KLF13: variants seen among roughly 807,000 people sequenced by gnomAD.
The protein encoded by KLF13 is Krueppel-like factor 13.
Under a neutral mutation model 16.7 loss-of-function variants are expected in KLF13, and 8 were observed. The ratio of observed to expected loss-of-function variants is 0.48; its 90% CI spans 0.28 to 0.87. The LOEUF is 0.87. Among genes scored for constraint, KLF13 ranks in the 40% least tolerant of loss-of-function variants. The pLI is 0.10. For synonymous variants in KLF13, 245 were observed against 208.4 expected (o/e 1.18, Z -1.51); for missense variants, 447 against 452.2 (o/e 0.99, Z 0.10).
At chr15:31,411,699 C>T (rs943706882) in intron 1 of KLF13, among the ~76,000 whole-genome samples, 1 of 152,008 alleles carries the variant, frequency 6.6e-6, no homozygotes, top group African/African-American at 2.4e-5. Flanking sequence ...ACCACTGTGC[C>T]TGGCCCAAAC....
At chr15:31,431,789 T>C (rs1277232967) in intron 1 of KLF13, among the ~76,000 whole-genome samples, 1 of 152,168 alleles carries the variant, frequency 6.6e-6, no homozygotes, top group African/African-American at 2.4e-5. Context: ...AGCATAATCT[T>C]GAGAGAAAGA....
intron 2 of KLF13, among the ~76,000 whole-genome samples, chr15:31,400,223 C>T (rs940901846): frequency 6.6e-6 from 1 of 152,174 alleles, no homozygotes; most frequent in African/African-American, 2.4e-5. Context: ...AGGGAATCCA[C>T]GGAGCGAGAG....
upstream of KLF13, among the ~76,000 whole-genome samples, chr15:31,390,637 C>A (rs1435238855): frequency 6.6e-6 from 1 of 152,192 alleles, no homozygotes; most frequent in African/African-American, 2.4e-5. Context: ...CCACGGAGCA[C>A]TCCATCTGCA....
downstream of KLF13, among the ~76,000 whole-genome samples, chr15:31,378,367 G>A (rs1033552107): frequency 2.4e-4 from 37 of 152,132 alleles, no homozygotes; most frequent in South Asian, 2.1e-4. Context: ...AACCTACCAC[G>A]GGCACTGACC....
At chr15:31,368,840 A>G (rs939892421) in intron 1 of KLF13, among the ~76,000 whole-genome samples, 1 of 152,058 alleles carries the variant, frequency 6.6e-6, no homozygotes, top group African/African-American at 2.4e-5. Context: ...AGATAGATAG[A>G]TAGATAGGTA....
chr15:31,405,327 GA>G (rs113741435), downstream of KLF13, among the ~76,000 whole-genome samples: 3 of 152,208 alleles, frequency 2.0e-5, no homozygotes, highest in South Asian at 2.1e-4. Context: ...AAAACAGAAG[GA>G]AAAAAAAAGA....
At chr15:31,360,326 C>G (rs892711533) in intron 1 of KLF13, among the ~76,000 whole-genome samples, 21 of 152,134 alleles carry the variant, frequency 1.4e-4, no homozygotes, top group Non-Finnish European at 2.9e-4. Context: ...AAGAGGTGGC[C>G]CCCCAGAGCA....
intron 1 of KLF13, among the ~76,000 whole-genome samples, chr15:31,368,415 T>A (rs2039509175): frequency 6.6e-6 from 1 of 152,254 alleles, no homozygotes; most frequent in African/African-American, 2.4e-5. Flanking sequence ...GTTGACAAAA[T>A]TTTTTTTCTG....
At chr15:31,380,240 C>T (rs1264630656), downstream of KLF13, among the ~76,000 whole-genome samples, 1 of 152,024 alleles carries the variant, frequency 6.6e-6, no homozygotes, top group Non-Finnish European at 1.5e-5. Context: ...TGCAGTGAGC[C>T]GAGATCACGC....
chr15:31,365,645 G>C (rs1002029503), intron 1 of KLF13, among the ~76,000 whole-genome samples: 4 of 152,154 alleles, frequency 2.6e-5, no homozygotes, highest in Non-Finnish European at 2.9e-5. Flanking sequence ...GGGGGGTTGG[G>C]GGGGAGTTTG....
intron 2 of KLF13, among the ~76,000 whole-genome samples, chr15:31,401,008 A>T (rs1164059054): frequency 6.8e-6 from 1 of 147,806 alleles, no homozygotes; most frequent in East Asian, 2.0e-4. Context: ...TAAATAAACA[A>T]TTTTTTTTTT....
chr15:31,423,171 A>ATACG (rs1566848570), intron 1 of KLF13, among the ~76,000 whole-genome samples: 1 of 34,226 alleles, frequency 2.9e-5, no homozygotes, highest in East Asian at 1.0e-3. Context: ...ATATGTATAT[A>ATACG]TATACATATA....
chr15:31,327,801 G>T lies in KLF13; in HGVS notation c.577+12G>T. Reference sequence around the variant, plus strand: ...GAGAACTCACACAGGTCAGTGGGGCGGCGCGGGCGCCCGGATCGCGCGGAC... The same window carrying T: ...GAGAACTCACACAGGTCAGTGGGGCTGCGCGGGCGCCCGGATCGCGCGGAC... On this transcript the variant is annotated intron_variant, in intron 1 of 1. Coordinates refer to ENST00000307145, the MANE Select transcript of KLF13 (RefSeq NM_015995.4). 6.8e-7 allele frequency: 1 copy of T among 1,467,236 alleles called. No homozygotes were observed. The highest frequency in any genetic ancestry group is 1.3e-5 in the South Asian group (1 of 76,936). The allele number at this position is 1,467,236 out of a possible 1,614,324, so 90.9% of individuals were successfully genotyped here.
Position 31,423,129 on chromosome 15 carries a change from ATACG to A in KLF13, n.118-12238_118-12235del, listed in dbSNP as rs1162085781. 9.0e-5 allele frequency among the ~76,000 whole-genome samples: 10 copies of A among 110,938 alleles called. 1 individual carries two copies. The highest frequency in any genetic ancestry group is 4.1e-4 in the African/African-American group (9 of 21,762). 72.8% of individuals were successfully genotyped at this position (110,938 alleles called of 152,430 possible). A position where few individuals can be genotyped will look rare whatever the true frequency, so the allele number is the denominator to read the frequency against. Reference sequence around the variant, plus strand: ...TACGTATACGTATATATACGTATATATACGTATACGTATACGTATATATACGTAT... The same window carrying A: ...TACGTATACGTATATATACGTATATATATACGTATACGTATATATACGTAT... On this transcript the variant is annotated intron_variant and non_coding_transcript_variant, in intron 1 of 1. Transcript: ENST00000558225.
chr15:31,408,586 C>T (rs1398293658), downstream of KLF13, among the ~76,000 whole-genome samples: 1 of 152,058 alleles, frequency 6.6e-6, no homozygotes, highest in Admixed American at 6.5e-5. Flanking sequence ...TTAATAGAAC[C>T]CCCACATTAA....
At chr15:31,413,611 A>G (rs1413680441) in intron 1 of KLF13, among the ~76,000 whole-genome samples, 3 of 152,228 alleles carry the variant, frequency 2.0e-5, no homozygotes, top group Non-Finnish European at 2.9e-5. Context: ...AATCCTATAT[A>G]CATCACAGCT....
rs2038729291 is a variant in KLF13 at position 31,327,330 on chromosome 15, G to A, written c.118G>A (p.Val40Met). ...GGAGTCCCGGCCCGAGGGCGCGGCCGTGGCCGCCACCCCCACGCTGCCCCG... is the reference window on the plus strand; with the variant it reads ...GGAGTCCCGGCCCGAGGGCGCGGCCATGGCCGCCACCCCCACGCTGCCCCG... ...GPESRPEGAA[V>M]AATPTLPRVE... Residue 40 changes from valine to methionine, a missense_variant, in exon 1 of 2, where the codon GTG becomes ATG. Around this residue, in one of 2 missense-constraint regions of KLF13, gnomAD observed 359 missense variants for 282.8 expected, o/e 1.27. Transcript: ENST00000307145. 3.9e-6 allele frequency: 5 copies of A among 1,279,782 alleles called. No homozygotes were observed. The highest frequency in any genetic ancestry group is 3.9e-6 in the Non-Finnish European group (4 of 1,017,200). The allele number at this position is 1,279,782 out of a possible 1,614,324, so 79.3% of individuals were successfully genotyped here. A position where few individuals can be genotyped will look rare whatever the true frequency, so the allele number is the denominator to read the frequency against.
chr15:31,330,253 T>C lies in KLF13; in HGVS notation c.577+2464T>C, dbSNP rs534361839. ...TGGGCTCTGAGGTGTCCGTGGTTTGTGGGCCTCTAGCAGCATTGTGGGGTC... is the reference window on the plus strand; with the variant it reads ...TGGGCTCTGAGGTGTCCGTGGTTTGCGGGCCTCTAGCAGCATTGTGGGGTC... On this transcript the variant is annotated intron_variant, in intron 1 of 1. Coordinates refer to ENST00000307145, the MANE Select transcript of KLF13 (RefSeq NM_015995.4). 4.3e-4 allele frequency among the ~76,000 whole-genome samples: 65 copies of C among 152,324 alleles called. 1 individual carries two copies. Among genetic ancestry groups the C allele is most frequent in the African/African-American group, 1.5e-3 (61 of 41,566 alleles).
chr15:31,327,725 C>T lies in KLF13; in HGVS notation c.513C>T (p.Tyr171=), dbSNP rs372336832. 23 of 1,537,408 alleles carry T rather than the reference C, an allele frequency of 1.5e-5. No homozygotes were observed. The Middle Eastern group carries it at 5.2e-4, about 35-fold the overall frequency. ...CGCAGAGGAAGCACAAGTGCCACTA[C>T]GCGGGCTGCGAGAAAGTTTACGGGA... The part of the protein sequence containing the change: ...ESPQRKHKCH[Y]AGCEKVYGKS... Residue 171 remains tyrosine, a synonymous_variant, in exon 1 of 2, where the codon TAC becomes TAT. Transcript: ENST00000307145.
Sources: gnomAD v4.1 joint callset for allele counts (sites outside exome capture counted in the v4.1 genomes callset) on GRCh38, gnomAD v4.1.1 for gene constraint, gnomAD v4.1.1 regional missense constraint, MANE v1.5 for transcripts, NCBI Gene and HGNC (gene_info 2026-07-23, HGNC 2026-07-21) for gene names.